The following ROBO1 variants were observed in gnomAD, a reference collection of about 807,000 sequenced individuals.
ROBO1 encodes roundabout homolog 1.
A neutral mutation model predicts 195.9 loss-of-function variants in ROBO1; 149 were observed. The observed-to-expected ratio is 0.76, with a 90% CI of 0.67 to 0.87. The LOEUF (loss-of-function observed/expected upper bound fraction) is 0.87, where lower values mean the gene tolerates loss of function less well. Among genes scored for constraint, ROBO1 ranks in the 40% least tolerant of loss-of-function variants. The pLI is 0.00. For missense variants in ROBO1, 1,933 were observed against 2,068.3 expected (o/e 0.93, Z 1.27); for synonymous variants, 816 against 733.2 (o/e 1.11, Z -1.82).
chr3:79,350,546 C>T (rs2035301943), intron 2 of ROBO1, among the ~76,000 whole-genome samples: 1 of 152,058 alleles, frequency 6.6e-6, no homozygotes, highest in Non-Finnish European at 1.5e-5. Flanking sequence ...ATCCAAATGT[C>T]CATCAACTGA....
intron 1 of ROBO1, among the ~76,000 whole-genome samples, chr3:79,725,504 G>A (rs1488132587): frequency 6.6e-6 from 1 of 152,104 alleles, no homozygotes; most frequent in Non-Finnish European, 1.5e-5. Flanking sequence ...GGGATTACAG[G>A]CGTGAGCCAC....
intron 2 of ROBO1, among the ~76,000 whole-genome samples, chr3:79,331,044 G>T (rs1334920661): frequency 6.6e-6 from 1 of 152,134 alleles, no homozygotes; most frequent in South Asian, 2.1e-4. Flanking sequence ...CACTTGATAG[G>T]ATAACTAACT....
In ROBO1 at chr3:78,887,490, C is replaced by A. The variant is rs565280285; in HGVS notation, c.499+51111G>T. Among the ~76,000 whole-genome samples the A allele has an allele frequency of 8.5e-5, 13 of 152,174 alleles. No homozygotes were observed. In the South Asian group the frequency reaches 2.7e-3, roughly 32 times the overall value. ...ATGACAGCTGAGCCGATACTTAAAG[C>A]ATGAGCTAAATTTCATCAAGATGAT... On this transcript the variant is annotated intron_variant, in intron 4 of 30. Coordinates refer to ENST00000464233, the MANE Select transcript of ROBO1 (RefSeq NM_002941.4).
intron 2 of ROBO1, among the ~76,000 whole-genome samples, chr3:79,277,855 A>G (rs974271093): frequency 5.3e-5 from 8 of 151,914 alleles, no homozygotes; most frequent in Non-Finnish European, 8.8e-5. Flanking sequence ...TATAGAGGGC[A>G]TCCAAATTGA....
At chr3:79,614,162 T>C (rs191174832) in intron 1 of ROBO1, among the ~76,000 whole-genome samples, 3 of 152,176 alleles carry the variant, frequency 2.0e-5, no homozygotes, top group Admixed American at 2.0e-4. Flanking sequence ...TAATAGATAT[T>C]TATAGAACAC....
chr3:79,644,814 C>G (rs1576169712), intron 1 of ROBO1, among the ~76,000 whole-genome samples: 1 of 152,110 alleles, frequency 6.6e-6, no homozygotes, highest in Non-Finnish European at 1.5e-5. Flanking sequence ...TTTTAGGCCA[C>G]AAAACAGGTC....
At position 79,015,238 on chromosome 3, in the gene ROBO1, C is replaced by A. The variant is rs114259074; in HGVS notation, c.173-76311G>T. 9.2e-3 allele frequency among the ~76,000 whole-genome samples: 1,398 copies of A among 152,076 alleles called. 20 individuals carry two copies. Among genetic ancestry groups the A allele is most frequent in the Middle Eastern group, 0.068 (20 of 294 alleles). On this transcript the variant is annotated intron_variant, in intron 3 of 30. Coordinates refer to ENST00000464233, the MANE Select transcript of ROBO1 (RefSeq NM_002941.4). ...AAGGTTATAAAGAAACTAGCCAGAT[C>A]GTATCGGAACTACACAACAATCTTA... is the stretch of plus-strand genomic sequence containing the variant.
intron 8 of ROBO1, among the ~76,000 whole-genome samples, chr3:78,708,679 A>G (rs866962276): frequency 5.3e-5 from 8 of 152,282 alleles, no homozygotes; most frequent in South Asian, 2.1e-4. Flanking sequence ...AGTTTCAATG[A>G]CACGCTGTTT....
At chr3:78,897,968 A>C (rs906549324) in intron 4 of ROBO1, among the ~76,000 whole-genome samples, 1 of 151,828 alleles carries the variant, frequency 6.6e-6, no homozygotes, top group Admixed American at 6.6e-5. Context: ...ATACAAAAAA[A>C]ACCCAGAGTG....
intron 2 of ROBO1, among the ~76,000 whole-genome samples, chr3:79,158,602 A>G (rs573751645): frequency 1.3e-5 from 2 of 151,568 alleles, no homozygotes; most frequent in Non-Finnish European, 3.0e-5. Context: ...CTTGAAATGT[A>G]TTTTGTATTT....
chr3:78,692,515 C>T (rs2081197762), intron 8 of ROBO1, among the ~76,000 whole-genome samples: 1 of 152,112 alleles, frequency 6.6e-6, no homozygotes, highest in African/African-American at 2.4e-5. Flanking sequence ...AAATTATTCA[C>T]CCACCTCGGC....
At chr3:79,526,072 C>T (rs1160969477) in intron 2 of ROBO1, among the ~76,000 whole-genome samples, 11 of 151,978 alleles carry the variant, frequency 7.2e-5, no homozygotes, top group East Asian at 5.8e-4. Flanking sequence ...AATTCAAGTC[C>T]CTTAGACAAT....
At chr3:79,535,191 G>C (rs1168865074) in intron 2 of ROBO1, among the ~76,000 whole-genome samples, 1 of 152,080 alleles carries the variant, frequency 6.6e-6, no homozygotes, top group East Asian at 1.9e-4. Flanking sequence ...ATCTTCTGGG[G>C]ATACAGCGGG....
intron 3 of ROBO1, among the ~76,000 whole-genome samples, chr3:79,112,976 A>T: frequency 6.6e-6 from 1 of 152,150 alleles, no homozygotes; most frequent in South Asian, 2.1e-4. Flanking sequence ...ACCTAACTTG[A>T]TTCATAAATT....
intron 2 of ROBO1, among the ~76,000 whole-genome samples, chr3:79,355,325 G>T (rs1048915429): frequency 1.3e-5 from 2 of 152,104 alleles, no homozygotes; most frequent in African/African-American, 2.4e-5. Context: ...GGCACGGCAT[G>T]ATATTTTGAT....
In ROBO1 at chr3:79,355,724, T is replaced by C. The variant is rs139748783; in HGVS notation, c.89-230185A>G. 7.9e-3 allele frequency among the ~76,000 whole-genome samples: 1,204 copies of C among 152,332 alleles called. 22 individuals are homozygous for C. Among genetic ancestry groups the C allele is most frequent in the African/African-American group, 0.026 (1,093 of 41,576 alleles). Reference sequence around the variant, plus strand: ...TGCCCTCCAGGTTCATCCATGTCGCTGCAAATTACAGGATTTTATTCTTTT... The same window carrying C: ...TGCCCTCCAGGTTCATCCATGTCGCCGCAAATTACAGGATTTTATTCTTTT... On this transcript the variant is annotated intron_variant, in intron 2 of 30. Transcript: ENST00000464233.
intron 1 of ROBO1, among the ~76,000 whole-genome samples, chr3:79,603,947 AAG>A (rs1451017107): frequency 6.6e-6 from 1 of 152,014 alleles, no homozygotes; most frequent in African/African-American, 2.4e-5. Flanking sequence ...GGATGATCAG[AAG>A]AGAGATCGCT....
intron 2 of ROBO1, among the ~76,000 whole-genome samples, chr3:79,399,115 G>A (rs922699039): frequency 6.6e-6 from 1 of 152,062 alleles, no homozygotes; most frequent in Non-Finnish European, 1.5e-5. Flanking sequence ...AGATTCCTTG[G>A]TCCCTTACTA....
At chr3:78,968,413 C>T (rs936874738) in intron 3 of ROBO1, among the ~76,000 whole-genome samples, 2 of 151,420 alleles carry the variant, frequency 1.3e-5, no homozygotes, top group East Asian at 2.0e-4. Flanking sequence ...TATAGGTGTG[C>T]GCCACTCACA....
Sources: gnomAD v4.1 joint callset for allele counts (sites outside exome capture counted in the v4.1 genomes callset) on GRCh38, gnomAD v4.1.1 for gene constraint, MANE v1.5 for transcripts, NCBI Gene and HGNC (gene_info 2026-07-23, HGNC 2026-07-21) for gene names.